STARD13: variants seen among roughly 807,000 people sequenced by gnomAD.
The protein encoded by STARD13 is stAR-related lipid transfer protein 13.
Under a neutral mutation model 106.4 loss-of-function variants are expected in STARD13, and 62 were observed. The observed-to-expected ratio is 0.58, with a 90% confidence interval of 0.48 to 0.72. The LOEUF (loss-of-function observed/expected upper bound fraction) is 0.72. Among genes scored for constraint, STARD13 ranks in the 30% least tolerant of loss-of-function variants. The pLI is 0.00. For synonymous variants in STARD13, 565 were observed against 553.0 expected (o/e 1.02, Z -0.31); for missense variants, 1,387 against 1,424.0 (o/e 0.97, Z 0.42).
At chr13:33,614,809 G>C in the STARD13 span, among the ~76,000 whole-genome samples, 5 of 152,098 alleles carry the variant, frequency 3.3e-5, no homozygotes, top group Admixed American at 3.3e-4. Flanking sequence ...GTGTGCTAGA[G>C]GGTCAAAGAC....
At chr13:33,603,847 G>T in the STARD13 span, among the ~76,000 whole-genome samples, 1 of 151,884 alleles carries the variant, frequency 6.6e-6, no homozygotes, top group South Asian at 2.1e-4. Flanking sequence ...AAAACTTTAG[G>T]AAGAAAAAAA....
the STARD13 span, among the ~76,000 whole-genome samples, chr13:33,531,571 C>T: frequency 6.6e-6 from 1 of 152,102 alleles, no homozygotes; most frequent in South Asian, 2.1e-4. Flanking sequence ...TCCTAGAAGA[C>T]CTGGTTTCTT....
intron 1 of STARD13, among the ~76,000 whole-genome samples, chr13:33,276,422 G>A (rs1449753312): frequency 6.6e-6 from 1 of 152,166 alleles, no homozygotes; most frequent in Non-Finnish European, 1.5e-5. Context: ...GTCTATTTGA[G>A]TGAGAATCGT....
chr13:33,449,669 T>C, the STARD13 span, among the ~76,000 whole-genome samples: 1 of 152,208 alleles, frequency 6.6e-6, no homozygotes, highest in South Asian at 2.1e-4. Context: ...AGCAATTGCA[T>C]TGAAACTGTA....
the STARD13 span, among the ~76,000 whole-genome samples, chr13:33,505,689 C>T: frequency 6.9e-3 from 1,046 of 152,164 alleles, 9 homozygotes; most frequent in African/African-American, 0.021. Flanking sequence ...CAAAGTATTT[C>T]GAAGTCTAGT....
intron 1 of STARD13, among the ~76,000 whole-genome samples, chr13:33,332,170 G>A (rs565794682): frequency 6.9e-4 from 105 of 152,190 alleles, no homozygotes; most frequent in South Asian, 1.9e-3. Flanking sequence ...CTGCATTCCA[G>A]CCCTGCCCAC....
At chr13:33,289,429 C>T (rs1302175083), upstream of STARD13, among the ~76,000 whole-genome samples, 1 of 152,176 alleles carries the variant, frequency 6.6e-6, no homozygotes, top group Non-Finnish European at 1.5e-5. Context: ...TAACATTAAT[C>T]TCCACAGCTA....
upstream of STARD13, among the ~76,000 whole-genome samples, chr13:33,287,269 T>G (rs1421286280): frequency 1.3e-5 from 2 of 152,216 alleles, no homozygotes; most frequent in Admixed American, 1.3e-4. Context: ...AGGGAATTGT[T>G]GCTAGCCTGA....
chr13:33,543,858 C>G, the STARD13 span, among the ~76,000 whole-genome samples: 1 of 152,176 alleles, frequency 6.6e-6, no homozygotes, highest in Non-Finnish European at 1.5e-5. Context: ...GTCAATAATG[C>G]TTTTTGCTGT....
the STARD13 span, among the ~76,000 whole-genome samples, chr13:33,662,965 A>G: frequency 6.6e-6 from 1 of 152,262 alleles, no homozygotes; most frequent in Admixed American, 6.5e-5. Flanking sequence ...TCTTGAGAAT[A>G]TATCAAATTC....
At chr13:33,442,657 T>C in the STARD13 span, among the ~76,000 whole-genome samples, 4 of 152,020 alleles carry the variant, frequency 2.6e-5, no homozygotes, top group South Asian at 2.1e-4. Context: ...AAATGAAAAA[T>C]ATTTGAAAAA....
At chr13:33,135,419 A>G (rs1306416925) in intron 4 of STARD13, among the ~76,000 whole-genome samples, 1 of 152,198 alleles carries the variant, frequency 6.6e-6, no homozygotes, top group Non-Finnish European at 1.5e-5. Context: ...TGACAGCTGC[A>G]TGGTACTGGT....
chr13:33,468,945 C>T, the STARD13 span, among the ~76,000 whole-genome samples: 1 of 151,988 alleles, frequency 6.6e-6, no homozygotes, highest in Admixed American at 6.6e-5. Context: ...GAAGGTAGCA[C>T]CATTAGAAAA....
chr13:33,526,139 A>G, the STARD13 span, among the ~76,000 whole-genome samples: 1 of 150,606 alleles, frequency 6.6e-6, no homozygotes, highest in Non-Finnish European at 1.5e-5. Flanking sequence ...TTTTTTTTTT[A>G]CAGGCGTGAG....
intron 13 of STARD13, 105 bp from the exon 14 acceptor site, chr13:33,105,815 C>A (rs1053930199): frequency 3.3e-6 from 3 of 897,704 alleles, no homozygotes; most frequent in African/African-American, 3.3e-5. Flanking sequence ...ACCAGTGAAC[C>A]TGCAGACAGC....
At chr13:33,377,599 A>G in the STARD13 span, among the ~76,000 whole-genome samples, 1 of 142,810 alleles carries the variant, frequency 7.0e-6, no homozygotes, top group Non-Finnish European at 1.5e-5. Context: ...ACCCCCGCTT[A>G]TACTCTCATC....
At chr13:33,279,441 T>C (rs1028461517) in intron 1 of STARD13, 4 of 152,216 alleles carry the variant, frequency 2.6e-5, no homozygotes, top group African/African-American at 9.6e-5. Flanking sequence ...TTTTAAAAAA[T>C]GAATTTTTAT....
chr13:33,121,012 A>G (rs1876204009), intron 7 of STARD13, among the ~76,000 whole-genome samples: 2 of 152,068 alleles, frequency 1.3e-5, no homozygotes, highest in Admixed American at 1.3e-4. Flanking sequence ...AAGTGCTGGC[A>G]TTACAGGTGT....
chr13:33,439,161 G>A, the STARD13 span, among the ~76,000 whole-genome samples: 1 of 152,124 alleles, frequency 6.6e-6, no homozygotes, highest in Non-Finnish European at 1.5e-5. Context: ...CTAAAGAGTT[G>A]GTAAGAAGTG....
Sources: gnomAD v4.1 joint callset for allele counts (sites outside exome capture counted in the v4.1 genomes callset) on GRCh38, gnomAD v4.1.1 for gene constraint, MANE v1.5 for transcripts, NCBI Gene and HGNC (gene_info 2026-07-23, HGNC 2026-07-21) for gene names.